Variants in MOCOS observed in about 807,000 individuals in gnomAD.
MOCOS encodes the protein human molybdenum cofactor sulfurase.
A neutral mutation model predicts 83.6 loss-of-function variants in MOCOS; 86 were observed. The observed-to-expected ratio is 1.03, with a 90% CI of 0.86 to 1.23. The LOEUF (loss-of-function observed/expected upper bound fraction) is 1.23, where lower values mean the gene tolerates loss of function less well. MOCOS is among the 50% of genes most tolerant of loss of function. MOCOS has a pLI of 0.00. For missense variants in MOCOS, 1,120 were observed against 1,126.9 expected, an observed-to-expected ratio of 0.99 and a Z score of 0.09; for synonymous variants, 445 against 434.7, an observed-to-expected ratio of 1.02 and a Z score of -0.29.
intron 10 of MOCOS, among the ~76,000 whole-genome samples, chr18:36,250,146 C>A (rs751384548): frequency 6.6e-6 from 1 of 152,082 alleles, no homozygotes. Flanking sequence ...CTTTCACCCC[C>A]GCCCATATAC....
At chr18:36,227,719 CT>C (rs769763664) in intron 9 of MOCOS, among the ~76,000 whole-genome samples, 7 of 152,090 alleles carry the variant, frequency 4.6e-5, no homozygotes, top group Non-Finnish European at 8.8e-5. Flanking sequence ...ATTTTTAAAA[CT>C]TTTAAAAAGA....
intron 11 of MOCOS, among the ~76,000 whole-genome samples, chr18:36,253,565 C>T (rs1219936439): frequency 1.3e-5 from 2 of 151,878 alleles, no homozygotes; most frequent in South Asian, 2.1e-4. Context: ...ACTTGGGAGG[C>T]TGAGGCAGGA....
chr18:36,187,912 A>G (rs978645223), intron 1 of MOCOS, among the ~76,000 whole-genome samples: 1 of 152,164 alleles, frequency 6.6e-6, no homozygotes, highest in African/African-American at 2.4e-5. Flanking sequence ...GGCAGGACCA[A>G]CCTAGCCGTC....
rs376254012 is a variant in MOCOS, at chr18:36,199,746, G to A, written c.363G>A (p.Thr121=). The change falls in exon 4 of 15, where the codon ACG becomes ACA. Residue 121 remains threonine (T), a synonymous_variant. Transcript: ENST00000261326. ...DYTVIFTAGS[T]AALKLVAEAF... ...CTGTGATCTTCACTGCCGGGAGCAC[G>A]GCTGCTCTCAAACTGGTGGCAGAGG... The A allele has an allele frequency of 1.9e-4, 308 of 1,614,010 alleles. No individual in the cohort carries two copies. The Admixed American group carries it at 2.0e-3, about 10-fold the overall frequency.
intron 9 of MOCOS, among the ~76,000 whole-genome samples, chr18:36,232,109 G>C (rs2091539948): frequency 6.6e-6 from 1 of 152,060 alleles, no homozygotes; most frequent in Non-Finnish European, 1.5e-5. Flanking sequence ...GAGTAGCTGG[G>C]ACCACAGGCA....
chr18:36,191,046 A>AT (rs2091364043), intron 1 of MOCOS, among the ~76,000 whole-genome samples: 1 of 125,398 alleles, frequency 8.0e-6, no homozygotes, highest in Admixed American at 8.5e-5. Context: ...AAGAAAAAAA[A>AT]GTGTGTAGCA....
chr18:36,228,170 A>G (rs891247013), intron 9 of MOCOS, among the ~76,000 whole-genome samples: 1 of 152,188 alleles, frequency 6.6e-6, no homozygotes, highest in African/African-American at 2.4e-5. Flanking sequence ...ATTAAAAAGT[A>G]AAAAAATAAC....
intron 9 of MOCOS, among the ~76,000 whole-genome samples, chr18:36,243,082 G>C (rs1304718246): frequency 6.6e-6 from 1 of 152,166 alleles, no homozygotes; most frequent in Admixed American, 6.5e-5. Flanking sequence ...CTTGGTCACT[G>C]TTGGTGTGTA....
chr18:36,223,546 C>T (rs1311341207), intron 9 of MOCOS, among the ~76,000 whole-genome samples: 2 of 152,064 alleles, frequency 1.3e-5, no homozygotes, highest in Admixed American at 6.6e-5. Flanking sequence ...CTTTGTTCTT[C>T]TTTCTCAAGA....
At chr18:36,220,304 C>T (rs1445833792) in intron 9 of MOCOS, 87 bp downstream of exon 9, 3 of 1,531,270 alleles carry the variant, frequency 2.0e-6, no homozygotes, top group African/African-American at 1.4e-5. Context: ...GTTAGAATAA[C>T]CCATCAGCCT....
chr18:36,253,956 G>A (rs614621), intron 11 of MOCOS, among the ~76,000 whole-genome samples: 3 of 151,822 alleles, frequency 2.0e-5, no homozygotes, highest in African/African-American at 7.3e-5. Flanking sequence ...TGGCTGCATC[G>A]AGTGGGAAAC....
chr18:36,240,539 GCTGTC>G (rs1336499713), intron 9 of MOCOS, among the ~76,000 whole-genome samples: 10 of 151,158 alleles, frequency 6.6e-5, no homozygotes, highest in Non-Finnish European at 1.5e-4. Flanking sequence ...TCTCTTCAAA[GCTGTC>G]AGACAGGGAC....
chr18:36,268,950 A>C lies in MOCOS; in HGVS notation c.*265A>C. On this transcript the variant is annotated 3_prime_UTR_variant, in exon 15 of 15. Coordinates refer to ENST00000261326, the MANE Select transcript of MOCOS (RefSeq NM_017947.4). Reference sequence around the variant, plus strand: ...GGCTCCTGTAGGTATTTGAAGTATAATCACTTGTAATCAGATGAAATTTTT... The same window carrying C: ...GGCTCCTGTAGGTATTTGAAGTATACTCACTTGTAATCAGATGAAATTTTT... The C allele has an allele frequency of 2.2e-6, 1 of 453,678 alleles. No individual in the cohort carries two copies. Among genetic ancestry groups the C allele is most frequent in the Non-Finnish European group, 4.0e-6 (1 of 252,722 alleles). 28.1% of individuals were successfully genotyped at this position (453,678 alleles called of 1,614,324 possible).
At chr18:36,239,053 A>G (rs1239055278) in intron 9 of MOCOS, among the ~76,000 whole-genome samples, 2 of 150,756 alleles carry the variant, frequency 1.3e-5, no homozygotes, top group Admixed American at 1.3e-4. Flanking sequence ...GGGTTTCCTG[A>G]ATACAGCACA....
At chr18:36,213,587 C>A in intron 7 of MOCOS, 105 bp downstream of exon 7, 1 of 901,766 alleles carries the variant, frequency 1.1e-6, no homozygotes, top group Non-Finnish European at 1.8e-6. Flanking sequence ...ACTCATTTCT[C>A]CACGCCTACT....
At chr18:36,240,552 G>T (rs1183315854) in intron 9 of MOCOS, among the ~76,000 whole-genome samples, 10 of 151,382 alleles carry the variant, frequency 6.6e-5, no homozygotes, top group Non-Finnish European at 1.5e-4. Flanking sequence ...GTCAGACAGG[G>T]ACATTTAAGT....
chr18:36,257,134 C>T (rs2091644818), intron 12 of MOCOS, 61 bp downstream of exon 12: 3 of 1,388,290 alleles, frequency 2.2e-6, no homozygotes, highest in Non-Finnish European at 3.1e-6. Context: ...GGGAGCAGGG[C>T]CTGGCACCTG....
chr18:36,246,204 T>G (rs2091601453), intron 9 of MOCOS, among the ~76,000 whole-genome samples: 1 of 152,192 alleles, frequency 6.6e-6, no homozygotes, highest in African/African-American at 2.4e-5. Context: ...GAACCTTGTT[T>G]TATCATATTA....
chr18:36,259,409 A>G (rs1464397147), intron 12 of MOCOS, among the ~76,000 whole-genome samples: 1 of 149,172 alleles, frequency 6.7e-6, no homozygotes, highest in Non-Finnish European at 1.5e-5. Flanking sequence ...AGATTGTGCC[A>G]CTGCACTCCA....
Sources: gnomAD v4.1 joint callset for allele counts (sites outside exome capture counted in the v4.1 genomes callset) on GRCh38, gnomAD v4.1.1 for gene constraint, MANE v1.5 for transcripts, NCBI Gene and HGNC (gene_info 2026-07-23, HGNC 2026-07-21) for gene names.